Variants in TBC1D5 observed in about 807,000 individuals in gnomAD.
TBC1D5 encodes TBC1 domain family, member 5.
A neutral mutation model predicts 100.3 loss-of-function variants in TBC1D5; 75 were observed. The observed-to-expected ratio is 0.75, with a 90% CI of 0.62 to 0.91. The LOEUF (loss-of-function observed/expected upper bound fraction) is 0.91, where lower values mean the gene tolerates loss of function less well. Among genes scored for constraint, TBC1D5 ranks in the 40% least tolerant of loss-of-function variants. The pLI is 0.00. For synonymous variants in TBC1D5, 323 were observed against 325.6 expected (o/e 0.99, Z 0.09); for missense variants, 910 against 942.4 (o/e 0.97, Z 0.45).
At chr3:17,433,213 G>A (rs932228284) in intron 3 of TBC1D5, among the ~76,000 whole-genome samples, 3 of 152,188 alleles carry the variant, frequency 2.0e-5, no homozygotes, top group African/African-American at 7.2e-5. Context: ...TCTCTGTTCC[G>A]GCTACTTTAG....
chr3:17,357,172 G>A (rs963909966), intron 13 of TBC1D5, among the ~76,000 whole-genome samples: 2 of 152,142 alleles, frequency 1.3e-5, no homozygotes, highest in Middle Eastern at 3.2e-3. Context: ...GTGAAGAGAA[G>A]GATACAAGAA....
At chr3:17,392,110 C>CA (rs1322188367) in intron 8 of TBC1D5, among the ~76,000 whole-genome samples, 1 of 152,018 alleles carries the variant, frequency 6.6e-6, no homozygotes, top group African/African-American at 2.4e-5. Context: ...AAGATGAAAT[C>CA]AAAGGTGTGA....
chr3:17,376,519 A>C lies in TBC1D5; in HGVS notation c.701+6T>G, dbSNP rs757184663. On this transcript the variant is annotated splice_donor_region_variant and intron_variant, in intron 10 of 21. Transcript: ENST00000253692. Reference sequence around the variant, plus strand: ...AAATGGAGCTCATATTAAAAAAAAAACTTGCCTGGGCTGTGCAGACTCACT... The same window carrying C: ...AAATGGAGCTCATATTAAAAAAAAACCTTGCCTGGGCTGTGCAGACTCACT... 3.8e-6 allele frequency: 6 copies of C among 1,587,798 alleles called. No individual in the cohort carries two copies. The African/African-American group carries it at 8.2e-5, about 22-fold the overall frequency.
In TBC1D5 at chr3:17,557,704, C is replaced by T. The variant is rs79497497; in HGVS notation, c.-35-49099G>A. On this transcript the variant is annotated intron_variant, in intron 2 of 21. Transcript: ENST00000253692. ...TGGCTGGGACAACAGACACATGCAA[C>T]CATGCCCAATTAATTTTTGTTCTTT... Among the ~76,000 whole-genome samples the T allele has an allele frequency of 5.2e-3, 784 of 151,166 alleles. 2 individuals carry two copies. The highest frequency in any genetic ancestry group is 8.6e-3 in the Non-Finnish European group (582 of 67,298).
intron 13 of TBC1D5, among the ~76,000 whole-genome samples, chr3:17,323,104 T>C: frequency 6.6e-6 from 1 of 152,140 alleles, no homozygotes; most frequent in East Asian, 1.9e-4. Flanking sequence ...TTCAGAGAAG[T>C]TGAATCATAT....
chr3:17,529,768 T>C lies in TBC1D5; in HGVS notation c.-35-21163A>G, dbSNP rs926272197. Reference sequence around the variant, plus strand: ...CTCAAGCAATCCTCCTGCCTCAGCCTCTCGAGTAGCTGGGATTTGAGGCGT... The same window carrying C: ...CTCAAGCAATCCTCCTGCCTCAGCCCCTCGAGTAGCTGGGATTTGAGGCGT... On this transcript the variant is annotated intron_variant, in intron 2 of 21. Coordinates refer to ENST00000253692, the Ensembl canonical transcript of TBC1D5. Among the ~76,000 whole-genome samples the C allele has an allele frequency of 3.3e-5, 5 of 151,966 alleles. No individual in the cohort carries two copies. The South Asian group carries it at 8.3e-4, about 25-fold the overall frequency.
chr3:17,159,193 A>C (rs2065833202), exon 22 of TBC1D5: 1 of 151,924 alleles, frequency 6.6e-6, no homozygotes, highest in Non-Finnish European at 1.5e-5. Context: ...GTTATTATTC[A>C]CCTTACATGC....
chr3:17,541,179 T>C (rs2096352187), intron 2 of TBC1D5, among the ~76,000 whole-genome samples: 1 of 149,584 alleles, frequency 6.7e-6, no homozygotes, highest in Admixed American at 6.6e-5. Flanking sequence ...TTTAAGGATA[T>C]GCTTTTCTAT....
At chr3:17,161,454 G>A (rs1052562036) in intron 21 of TBC1D5, among the ~76,000 whole-genome samples, 198 bp from the exon 23 acceptor site, 2 of 152,224 alleles carry the variant, frequency 1.3e-5, no homozygotes, top group Non-Finnish European at 1.5e-5. Context: ...GCAGCATCTT[G>A]TGAGCCCCTC....
intron 2 of TBC1D5, among the ~76,000 whole-genome samples, chr3:17,534,233 C>A (rs1360829062): frequency 6.6e-6 from 1 of 152,004 alleles, no homozygotes; most frequent in African/African-American, 2.4e-5. Context: ...TTCTAACATA[C>A]TATGGGGAGA....
At chr3:17,526,767 A>C (rs2096141659) in intron 2 of TBC1D5, among the ~76,000 whole-genome samples, 1 of 152,220 alleles carries the variant, frequency 6.6e-6, no homozygotes, top group African/African-American at 2.4e-5. Context: ...TCTAGTGAAT[A>C]TATTTACACA....
rs73143766 is a variant in TBC1D5 at position 17,254,631 on chromosome 3, T to G, written c.1331+3875A>C. Among the ~76,000 whole-genome samples the G allele has an allele frequency of 2.6e-3, 391 of 152,234 alleles. 1 individual carries two copies. The highest frequency in any genetic ancestry group is 9.1e-3 in the African/African-American group (378 of 41,546). On this transcript the variant is annotated intron_variant, in intron 16 of 21. Coordinates refer to ENST00000253692, the Ensembl canonical transcript of TBC1D5. ...TACTCCCAAGTATGTGACTTGCCTGTTCTTTTTCTTAATGGCATATTCTGA... is the reference window on the plus strand; with the variant it reads ...TACTCCCAAGTATGTGACTTGCCTGGTCTTTTTCTTAATGGCATATTCTGA...
At chr3:17,409,083 T>C (rs556271350) in intron 4 of TBC1D5, among the ~76,000 whole-genome samples, 169 of 152,306 alleles carry the variant, frequency 1.1e-3, no homozygotes, top group African/African-American at 3.8e-3. Context: ...TACCTCATTT[T>C]ATGTCACTTC....
intron 15 of TBC1D5, among the ~76,000 whole-genome samples, chr3:17,276,005 T>C (rs2079964222): frequency 6.6e-6 from 1 of 152,216 alleles, no homozygotes; most frequent in Non-Finnish European, 1.5e-5. Context: ...TTCCTCATTG[T>C]AAGTGATCTG....
chr3:17,281,730 A>G (rs1466468382), intron 15 of TBC1D5, among the ~76,000 whole-genome samples: 1 of 152,250 alleles, frequency 6.6e-6, no homozygotes, highest in Non-Finnish European at 1.5e-5. Context: ...TGATTATTAT[A>G]GTTATACAGT....
intron 1 of TBC1D5, among the ~76,000 whole-genome samples, chr3:17,635,365 G>GC (rs2063815418): frequency 6.6e-6 from 1 of 152,172 alleles, no homozygotes; most frequent in Admixed American, 6.6e-5. Flanking sequence ...AATCACCAAG[G>GC]CAATAAATGT....
At chr3:17,305,265 T>C (rs2083288811) in intron 14 of TBC1D5, among the ~76,000 whole-genome samples, 1 of 152,194 alleles carries the variant, frequency 6.6e-6, no homozygotes, top group African/African-American at 2.4e-5. Flanking sequence ...CCTTGGCTTC[T>C]TCTCCTCTGG....
chr3:17,638,325 C>T (rs1221426796), intron 1 of TBC1D5, among the ~76,000 whole-genome samples: 1 of 151,958 alleles, frequency 6.6e-6, no homozygotes, highest in African/African-American at 2.4e-5. Flanking sequence ...TCCTCATCTC[C>T]CTCCAATCCC....
At chr3:17,316,598 G>T (rs748976499) in intron 13 of TBC1D5, among the ~76,000 whole-genome samples, 1 of 152,164 alleles carries the variant, frequency 6.6e-6, no homozygotes, top group African/African-American at 2.4e-5. Flanking sequence ...CAGCTTCCTT[G>T]TGCCCATTTC....
Sources: gnomAD v4.1 joint callset for allele counts (sites outside exome capture counted in the v4.1 genomes callset) on GRCh38, gnomAD v4.1.1 for gene constraint, MANE v1.5 for transcripts, NCBI Gene and HGNC (gene_info 2026-07-23, HGNC 2026-07-21) for gene names.